Variants in FRMD5 observed in about 807,000 individuals in gnomAD.
The protein encoded by FRMD5 is FERM domain containing 5.
Under a neutral mutation model 69.0 loss-of-function variants are expected in FRMD5, and 20 were observed. The ratio of observed to expected loss-of-function variants is 0.29; its 90% CI spans 0.20 to 0.42. The LOEUF is 0.42. Ranked by LOEUF, FRMD5 falls within the 10% of genes least tolerant of loss-of-function variation. FRMD5 has a pLI of 1.00. For missense variants in FRMD5, 595 were observed against 708.6 expected, an observed-to-expected ratio of 0.84 and a Z score of 1.82; for synonymous variants, 271 against 260.1, an observed-to-expected ratio of 1.04 and a Z score of -0.40.
chr15:44,017,149 T>G (rs1484460691), intron 1 of FRMD5, among the ~76,000 whole-genome samples: 1 of 151,894 alleles, frequency 6.6e-6, no homozygotes, highest in African/African-American at 2.4e-5. Flanking sequence ...CCATCCTGGC[T>G]AACACGGTGA....
rs368242971 is a variant in FRMD5, at chr15:43,907,585, C to T, written c.428-1634G>A. Among the ~76,000 whole-genome samples the T allele has an allele frequency of 1.8e-4, 27 of 150,512 alleles. No homozygotes were observed. The East Asian group carries it at 4.3e-3, about 24-fold the overall frequency. On this transcript the variant is annotated intron_variant, in intron 5 of 13. Coordinates refer to ENST00000417257, the MANE Select transcript of FRMD5 (RefSeq NM_032892.5). ...CTGTCACCAGGCTGGAGTGCAGTAG[C>T]GCGATCTCAGCTCACTGCAGACTCC...
chr15:44,032,979 T>C lies in FRMD5; in HGVS notation c.103-108670A>G, dbSNP rs140318620. 6.0e-3 allele frequency among the ~76,000 whole-genome samples: 914 copies of C among 152,170 alleles called. 16 individuals are homozygous for C. Among genetic ancestry groups the C allele is most frequent in the African/African-American group, 0.021 (883 of 41,534 alleles). ...AACCTAAATGCCCATCAATGACAGA[T>C]TGCATAAAGAAAATATGGTACATAT... is the stretch of plus-strand genomic sequence containing the variant. On this transcript the variant is annotated intron_variant, in intron 1 of 13. Coordinates refer to ENST00000417257, the MANE Select transcript of FRMD5 (RefSeq NM_032892.5).
At chr15:44,003,189 T>C (rs536692970) in intron 1 of FRMD5, among the ~76,000 whole-genome samples, 11 of 152,318 alleles carry the variant, frequency 7.2e-5, no homozygotes, top group Admixed American at 6.5e-5. Flanking sequence ...CTATCAGTTC[T>C]ACCTTCAAAA....
At chr15:43,883,844 T>C (rs760768293) in intron 12 of FRMD5, 35 bp from the exon 13 acceptor site, 2 of 1,495,014 alleles carry the variant, frequency 1.3e-6, no homozygotes, top group South Asian at 1.1e-5. Flanking sequence ...GTTAATTCAG[T>C]GCATGGACAC....
At chr15:43,976,569 A>C (rs2090465848) in intron 1 of FRMD5, among the ~76,000 whole-genome samples, 2 of 152,244 alleles carry the variant, frequency 1.3e-5, no homozygotes, top group Admixed American at 1.3e-4. Context: ...CTCAATGGCC[A>C]AACAGGTTTA....
intron 1 of FRMD5, among the ~76,000 whole-genome samples, chr15:44,187,302 G>C (rs919776305): frequency 7.9e-5 from 12 of 152,102 alleles, no homozygotes; most frequent in African/African-American, 2.9e-4. Context: ...TTTAGAATTA[G>C]ATTTAATTCA....
chr15:44,037,818 C>T (rs1052231288), intron 1 of FRMD5, among the ~76,000 whole-genome samples: 2 of 152,070 alleles, frequency 1.3e-5, no homozygotes, highest in African/African-American at 2.4e-5. Context: ...TGGTTATATA[C>T]CTATTAATGG....
intron 1 of FRMD5, among the ~76,000 whole-genome samples, chr15:44,100,870 G>A (rs1260746564): frequency 6.6e-6 from 1 of 152,118 alleles, no homozygotes; most frequent in Non-Finnish European, 1.5e-5. Flanking sequence ...TAGTCTTGGG[G>A]CCAGGCACAG....
At position 43,871,217 on chromosome 15, in the gene FRMD5, A is replaced by G. The variant is rs575649944; in HGVS notation, c.*2668T>C. The stretch of plus-strand genomic sequence containing the variant: ...ACTATTTGAAAAGCAAACTGAAGGA[A>G]ACTTTTCTATCCATATTTTCTGGGA... On this transcript the variant is annotated 3_prime_UTR_variant, in exon 14 of 14. Coordinates refer to ENST00000417257, the MANE Select transcript of FRMD5 (RefSeq NM_032892.5). The G allele has an allele frequency of 9.2e-5, 14 of 152,364 alleles. No individual in the cohort carries two copies. In the South Asian group the frequency reaches 2.9e-3, roughly 32 times the overall value. 9.4% of individuals were successfully genotyped at this position (152,364 alleles called of 1,614,324 possible).
intron 7 of FRMD5, among the ~76,000 whole-genome samples, chr15:43,892,867 G>A (rs2088825092): frequency 6.6e-6 from 1 of 152,228 alleles, no homozygotes; most frequent in Non-Finnish European, 1.5e-5. Flanking sequence ...ACTTTGGGAG[G>A]CCGAGGCAGG....
At chr15:43,893,317 G>C (rs2140376435) in intron 7 of FRMD5, among the ~76,000 whole-genome samples, 1 of 152,280 alleles carries the variant, frequency 6.6e-6, no homozygotes, top group Middle Eastern at 3.4e-3. Flanking sequence ...TGAGGTGCCT[G>C]AACCAACAGA....
In FRMD5 at chr15:43,954,708, T is replaced by C. The variant is rs558755600; in HGVS notation, c.103-30399A>G. ...TCCACCTTCTCTTGGCCTGATGAAATACCCTTGTTTAACAGGGGATCAGAG... is the reference window on the plus strand; with the variant it reads ...TCCACCTTCTCTTGGCCTGATGAAACACCCTTGTTTAACAGGGGATCAGAG... On this transcript the variant is annotated intron_variant, in intron 1 of 13. Coordinates refer to ENST00000417257, the MANE Select transcript of FRMD5 (RefSeq NM_032892.5). Among the ~76,000 whole-genome samples the C allele has an allele frequency of 1.8e-4, 28 of 152,308 alleles. No homozygotes were observed. In the South Asian group the frequency reaches 5.8e-3, roughly 32 times the overall value.
At chr15:43,889,227 C>T (rs2088739058) in intron 8 of FRMD5, among the ~76,000 whole-genome samples, 1 of 152,166 alleles carries the variant, frequency 6.6e-6, no homozygotes, top group Non-Finnish European at 1.5e-5. Flanking sequence ...CTGGATGGGA[C>T]TGTCAAACGT....
chr15:43,890,831 A>G (rs973476570), intron 8 of FRMD5, among the ~76,000 whole-genome samples: 2 of 152,176 alleles, frequency 1.3e-5, no homozygotes, highest in Non-Finnish European at 2.9e-5. Flanking sequence ...TGACGATCGT[A>G]ATGCCCTCCT....
At chr15:44,083,895 A>G (rs183781081) in intron 1 of FRMD5, among the ~76,000 whole-genome samples, 17 of 152,112 alleles carry the variant, frequency 1.1e-4, no homozygotes, top group African/African-American at 3.9e-4. Context: ...TGTCATTTGT[A>G]CTGTTTGATC....
At chr15:43,914,068 G>A (rs1406069774) in intron 4 of FRMD5, among the ~76,000 whole-genome samples, 1 of 152,210 alleles carries the variant, frequency 6.6e-6, no homozygotes, top group Non-Finnish European at 1.5e-5. Flanking sequence ...ATTGGAGTGT[G>A]AATCAGGACA....
Position 44,040,992 on chromosome 15 carries a change from C to CAAAAAAAAA in FRMD5, c.103-116692_103-116684dup, listed in dbSNP as rs71421819. Among the ~76,000 whole-genome samples, 5 of 17,500 alleles carry CAAAAAAAAA rather than the reference C, an allele frequency of 2.9e-4. 1 individual carries two copies. The highest frequency in any genetic ancestry group is 5.0e-4 in the African/African-American group (3 of 6,008). 11.5% of individuals were successfully genotyped at this position (17,500 alleles called of 152,430 possible). A position where few individuals can be genotyped will look rare whatever the true frequency, so the allele number is the denominator to read the frequency against. On this transcript the variant is annotated intron_variant, in intron 1 of 13. Transcript: ENST00000417257. ...GAATATTTACCAAGGAAATGGAAAG[C>CAAAAAAAAA]AAAAAAAAAAAAAAAAAAAAAAAAA...
At chr15:43,910,742 A>C (rs1180152372) in intron 4 of FRMD5, among the ~76,000 whole-genome samples, 1 of 152,222 alleles carries the variant, frequency 6.6e-6, no homozygotes, top group Non-Finnish European at 1.5e-5. Flanking sequence ...ACATGTATTG[A>C]GCACTTACGA....
chr15:44,060,045 G>A (rs1893027338), intron 1 of FRMD5, among the ~76,000 whole-genome samples: 1 of 152,216 alleles, frequency 6.6e-6, no homozygotes, highest in Non-Finnish European at 1.5e-5. Flanking sequence ...CGACACAAAG[G>A]AGAAGACAAG....
Sources: allele counts gnomAD v4.1 joint callset (sites outside exome capture counted in the v4.1 genomes callset), GRCh38; gene constraint gnomAD v4.1.1; transcripts MANE v1.5; gene names NCBI Gene and HGNC (gene_info 2026-07-23, HGNC 2026-07-21).